The following KLB variants were observed in gnomAD, a reference collection of about 807,000 sequenced individuals.
KLB encodes the protein klotho beta.
Under a neutral mutation model 88.4 loss-of-function variants are expected in KLB, and 44 were observed. That is an observed-to-expected ratio of 0.50 (90% CI 0.39 to 0.64). The LOEUF is 0.64. Among genes scored for constraint, KLB ranks in the 30% least tolerant of loss-of-function variants. The pLI is 0.00. For synonymous variants in KLB, 548 were observed against 513.4 expected, an observed-to-expected ratio of 1.07 and a Z score of -0.91; for missense variants, 1,137 against 1,304.8, an observed-to-expected ratio of 0.87 and a Z score of 1.98.
chr4:39,418,888 C>T (rs1452044861), intron 1 of KLB, among the ~76,000 whole-genome samples: 1 of 148,346 alleles, frequency 6.7e-6, no homozygotes, highest in Non-Finnish European at 1.5e-5. Context: ...GCAGAGGTTG[C>T]AGTCAACTGA....
chr4:39,434,146 A>G, intron 1 of KLB, 64 bp from the exon 2 acceptor site: 1 of 1,438,164 alleles, frequency 7.0e-7, no homozygotes, highest in Non-Finnish European at 9.5e-7. Flanking sequence ...AAGGCCATTT[A>G]CCAGCCATGT....
chr4:39,434,844 T>C (rs1284710466), intron 2 of KLB, 124 bp downstream of exon 2: 1 of 768,506 alleles, frequency 1.3e-6, no homozygotes, highest in African/African-American at 1.8e-5. Context: ...TTTCTCGCTG[T>C]CTCCCAGGCT....
chr4:39,446,263 A>T lies in KLB; in HGVS notation c.1606-69A>T. 1 of 1,422,548 alleles carries T rather than the reference A, an allele frequency of 7.0e-7. No individual in the cohort carries two copies. The allele number at this position is 1,422,548 out of a possible 1,614,324, so 88.1% of individuals were successfully genotyped here. Reference sequence around the variant, plus strand: ...GTAATCCCAGCACTTTGGGAGGCAGAGGTAGGCAGATCACTTGAGCCTCCA... The same window carrying T: ...GTAATCCCAGCACTTTGGGAGGCAGTGGTAGGCAGATCACTTGAGCCTCCA... On this transcript the variant is annotated intron_variant, in intron 3 of 4. Transcript: ENST00000257408. The surrounding 1 kb of genome is among the most constrained non-coding windows in gnomAD (Gnocchi z 6.4).
At chr4:39,434,868 A>T (rs1743438149) in intron 2 of KLB, 148 bp downstream of exon 2, 1 of 660,134 alleles carries the variant, frequency 1.5e-6, no homozygotes, top group East Asian at 2.8e-5. Flanking sequence ...GTGCAGTGGC[A>T]CCATCTTGGC....
chr4:39,425,123 C>G (rs1188921071), intron 1 of KLB, among the ~76,000 whole-genome samples: 15 of 152,212 alleles, frequency 9.9e-5, no homozygotes, highest in South Asian at 8.3e-4. Context: ...TGCAAATGCT[C>G]TCCTCCGGCA....
At chr4:39,412,111 C>G (rs1464420253) in intron 1 of KLB, 1 of 151,900 alleles carries the variant, frequency 6.6e-6, no homozygotes, top group African/African-American at 2.4e-5. Context: ...ATATTGGATA[C>G]AATGTATACT....
chr4:39,432,956 G>A, intron 1 of KLB, among the ~76,000 whole-genome samples: 1 of 146,400 alleles, frequency 6.8e-6, no homozygotes, highest in East Asian at 2.0e-4. Flanking sequence ...TCTGCTCACT[G>A]CAACCTCTGC....
At position 39,407,180 on chromosome 4, in the gene KLB, C is replaced by T. The variant is rs1413896116; in HGVS notation, c.231C>T (p.Leu77=). The T allele has an allele frequency of 6.2e-7, 1 of 1,614,082 alleles. No individual in the cohort carries two copies. The highest frequency in any genetic ancestry group is 1.1e-5 in the South Asian group (1 of 91,080). Residue 77 remains leucine (L), a synonymous_variant, in exon 1 of 5, where the codon CTC becomes CTT. Coordinates refer to ENST00000257408, the MANE Select transcript of KLB (RefSeq NM_175737.4). ...FTPVNESQLF[L]YDTFPKNFFW... The stretch of plus-strand genomic sequence containing the variant: ...CGGTAAATGAAAGTCAGCTGTTTCT[C>T]TATGACACTTTCCCTAAAAACTTTT...
chr4:39,442,437 T>A (rs936387022), intron 3 of KLB, among the ~76,000 whole-genome samples: 1 of 104,044 alleles, frequency 9.6e-6, no homozygotes, highest in Admixed American at 1.1e-4. Flanking sequence ...TCTCTCCCCT[T>A]TTTTTTTTTT....
rs1324311781 is a variant in KLB at position 39,450,973 on chromosome 4, A to T, written c.*2287A>T. ...AAGTATCTCGTACTCACAGTTCACA[A>T]ATTAACCTTCACTGTCTCTTTCACA... On this transcript the variant is annotated 3_prime_UTR_variant, in exon 5 of 5. Coordinates refer to ENST00000257408, the MANE Select transcript of KLB (RefSeq NM_175737.4). The T allele has an allele frequency of 1.3e-5, 2 of 152,160 alleles. No homozygotes were observed. Among genetic ancestry groups the T allele is most frequent in the Non-Finnish European group, 2.9e-5 (2 of 68,018 alleles). 9.4% of individuals were successfully genotyped at this position (152,160 alleles called of 1,614,324 possible). A position where few individuals can be genotyped will look rare whatever the true frequency, so the allele number is the denominator to read the frequency against.
In KLB at chr4:39,407,475, A is replaced by G; in HGVS notation, c.526A>G (p.Ser176Gly). The G allele has an allele frequency of 1.2e-6, 2 of 1,614,220 alleles. No individual in the cohort carries two copies. The highest frequency in any genetic ancestry group is 1.1e-5 in the South Asian group (1 of 91,086). The stretch of plus-strand genomic sequence containing the variant: ...CAACGCAAAAGGTCTGCAGTACTAC[A>G]GTACTCTTCTGGACGCTCTAGTGCT... ...VANAKGLQYY[S>G]TLLDALVLRN... Residue 176 changes from serine to glycine, a missense_variant, in exon 1 of 5, where the codon AGT (serine) becomes GGT (glycine). By Grantham distance (56) the Ser-to-Gly change is moderately conservative (BLOSUM62 0). Around this residue, in one of 4 missense-constraint regions of KLB, gnomAD observed 597 missense variants for 765.2 expected, o/e 0.78. Transcript: ENST00000257408.
intron 4 of KLB, among the ~76,000 whole-genome samples, chr4:39,447,861 G>A (rs991507588): frequency 2.0e-5 from 3 of 152,190 alleles, no homozygotes; most frequent in Non-Finnish European, 2.9e-5. Flanking sequence ...AGCATGCAAT[G>A]TGAAATAACC....
At chr4:39,427,634 G>T (rs995370676) in intron 1 of KLB, among the ~76,000 whole-genome samples, 1 of 152,128 alleles carries the variant, frequency 6.6e-6, no homozygotes, top group Non-Finnish European at 1.5e-5. Context: ...GTTCAGCCAC[G>T]AGCCTTGGCA....
At chr4:39,441,765 C>CATAAATAAATAAATAA (rs199803695) in intron 3 of KLB, 87 of 142,752 alleles carry the variant, frequency 6.1e-4, no homozygotes, top group Admixed American at 1.1e-3. Context: ...CTAGCCCAAA[C>CATAAATAAATAAATAA]ATAAATAAAT....
intron 1 of KLB, among the ~76,000 whole-genome samples, chr4:39,423,454 T>C (rs1245936963): frequency 6.6e-6 from 1 of 151,900 alleles, no homozygotes; most frequent in African/African-American, 2.4e-5. Context: ...GAAAATGTAA[T>C]TTTAAAACAA....
rs1457679993 is a variant in KLB, at chr4:39,437,909, G to A, written c.1519G>A (p.Gly507Ser). Residue 507 changes from glycine to serine, a missense_variant, in exon 3 of 5, where the codon GGT becomes AGT. Around this residue, in one of 4 missense-constraint regions of KLB, gnomAD observed 597 missense variants for 765.2 expected, o/e 0.78. Coordinates refer to ENST00000257408, the MANE Select transcript of KLB (RefSeq NM_175737.4). ...HYYKQIIRENGFSLKESTPDV... is the reference protein window; with the variant it reads ...HYYKQIIRENSFSLKESTPDV... ...CTACAAACAGATCATACGAGAAAAT[G>A]GTTTTTCTTTAAAAGAGTCCACGCC... is the stretch of plus-strand genomic sequence containing the variant. The A allele has an allele frequency of 1.9e-6, 3 of 1,613,930 alleles. No homozygotes were observed. The highest frequency in any genetic ancestry group is 1.3e-5 in the African/African-American group (1 of 74,890).
chr4:39,424,267 T>C (rs1415747742), intron 1 of KLB, among the ~76,000 whole-genome samples: 1 of 151,736 alleles, frequency 6.6e-6, no homozygotes, highest in East Asian at 1.9e-4. Context: ...GACGAGGTTT[T>C]GCCATGTTGG....
Position 39,407,294 on chromosome 4 carries a change from C to A in KLB, c.345C>A (p.His115Gln). Residue 115 changes from histidine to glutamine, a missense_variant, in exon 1 of 5, where the codon CAC becomes CAA. Transcript: ENST00000257408. ...CTTCTATATGGGATCATTTCATCCA[C>A]ACACACCTTAAAAATGTCAGCAGCA... ...KGPSIWDHFIHTHLKNVSSTN... is the reference protein window; with the variant it reads ...KGPSIWDHFIQTHLKNVSSTN... 6.2e-7 allele frequency: 1 copy of A among 1,614,050 alleles called. No homozygotes were observed. Among genetic ancestry groups the A allele is most frequent in the Non-Finnish European group, 8.5e-7 (1 of 1,179,930 alleles).
rs760127938 is a variant in KLB, at chr4:39,447,287, C to G, written c.2561C>G (p.Thr854Ser). Reference protein sequence around the residue: ...DRDIQFLQDITRLSSPTRLAV... With the variant: ...DRDIQFLQDISRLSSPTRLAV... ...GACATCCAGTTTCTGCAGGACATCA[C>G]CCGCCTGAGCTCCCCCACGCGCCTG... The change falls in exon 4 of 5, where the codon ACC (threonine) becomes AGC (serine). Residue 854 changes from threonine (T) to serine (S), a missense_variant. Around this residue, in one of 4 missense-constraint regions of KLB, gnomAD observed 426 missense variants for 404.6 expected, o/e 1.05. Coordinates refer to ENST00000257408, the MANE Select transcript of KLB (RefSeq NM_175737.4). 8 of 1,614,074 alleles carry G rather than the reference C, an allele frequency of 5.0e-6. No homozygotes were observed. In the South Asian group the frequency reaches 8.8e-5, roughly 18 times the overall value.
Sources: allele counts gnomAD v4.1 joint callset (sites outside exome capture counted in the v4.1 genomes callset), GRCh38; gene constraint gnomAD v4.1.1; regional missense constraint gnomAD v4.1.1; non-coding constraint Gnocchi (gnomAD v3.1); transcripts MANE v1.5; gene names NCBI Gene and HGNC (gene_info 2026-07-23, HGNC 2026-07-21).